DOCK9: variants seen among roughly 807,000 people sequenced by gnomAD.
DOCK9 encodes the protein dedicator of cytokinesis protein 9.
Under a neutral mutation model 263.3 loss-of-function variants are expected in DOCK9, and 89 were observed. That is an observed-to-expected ratio of 0.34 (90% CI 0.28 to 0.40). DOCK9 has a LOEUF of 0.40. DOCK9 is among the 10% of genes least tolerant of loss of function. DOCK9 has a pLI of 1.00. For synonymous variants in DOCK9, 976 were observed against 973.1 expected (o/e 1.00, Z -0.06); for missense variants, 2,140 against 2,603.4 (o/e 0.82, Z 3.87).
chr13:98,919,712 A>AGATT (rs2051573506), intron 7 of DOCK9, among the ~76,000 whole-genome samples: 1 of 152,208 alleles, frequency 6.6e-6, no homozygotes, highest in Admixed American at 6.5e-5. Context: ...CTTCATTCTG[A>AGATT]GATTGCTTGG....
intron 49 of DOCK9, among the ~76,000 whole-genome samples, chr13:98,802,299 T>C (rs2140007892): frequency 6.6e-6 from 1 of 152,368 alleles, no homozygotes. Context: ...TTCATTAGCC[T>C]GCCAATGGGA....
chr13:99,047,775 G>A (rs148856940), intron 1 of DOCK9, among the ~76,000 whole-genome samples: 4,447 of 151,918 alleles, frequency 0.029, 100 homozygotes, highest in South Asian at 0.063. Flanking sequence ...CACCCACCTC[G>A]GCCTCCCAAA....
chr13:98,976,001 A>T (rs2060241154), intron 1 of DOCK9, among the ~76,000 whole-genome samples: 2 of 152,250 alleles, frequency 1.3e-5, no homozygotes, highest in African/African-American at 4.8e-5. Context: ...CAACAGCCAC[A>T]GGTAAGAGAT....
intron 1 of DOCK9, among the ~76,000 whole-genome samples, chr13:99,080,307 T>G (rs1168381442): frequency 6.6e-6 from 1 of 152,094 alleles, no homozygotes; most frequent in Non-Finnish European, 1.5e-5. Flanking sequence ...ACGTCACACC[T>G]CCCATCCCAT....
At chr13:99,007,317 AG>A (rs1381537692) in intron 1 of DOCK9, among the ~76,000 whole-genome samples, 2 of 151,966 alleles carry the variant, frequency 1.3e-5, no homozygotes, top group Non-Finnish European at 2.9e-5. Flanking sequence ...GAACCCAGGA[AG>A]GGGAAGTTGC....
At chr13:98,818,136 C>T (rs1478085704) in intron 45 of DOCK9, among the ~76,000 whole-genome samples, 1 of 152,220 alleles carries the variant, frequency 6.6e-6, no homozygotes, top group Non-Finnish European at 1.5e-5. Context: ...CCACCTCTCA[C>T]ATAAGTAGAG....
intron 34 of DOCK9, 80 bp from the exon 35 acceptor site, chr13:98,853,602 G>A: frequency 9.7e-7 from 1 of 1,035,194 alleles, no homozygotes; most frequent in Non-Finnish European, 1.5e-6. Context: ...GGAAGAGAAA[G>A]ACTCTTAGAA....
intron 9 of DOCK9, among the ~76,000 whole-genome samples, chr13:98,911,972 T>C (rs1457822297): frequency 1.3e-5 from 2 of 151,116 alleles, no homozygotes; most frequent in African/African-American, 4.9e-5. Context: ...CAGGTTCAAA[T>C]GATTCTCCTG....
At chr13:98,868,858 TCAAATAAGTG>T (rs1424378123) in intron 27 of DOCK9, among the ~76,000 whole-genome samples, 1 of 152,194 alleles carries the variant, frequency 6.6e-6, no homozygotes, top group Admixed American at 6.5e-5. Flanking sequence ...TTCAAATACT[TCAAATAAGTG>T]CTGTGGATTA....
intron 2 of DOCK9, among the ~76,000 whole-genome samples, chr13:98,948,269 G>A (rs1416838315): frequency 6.6e-6 from 1 of 152,176 alleles, no homozygotes; most frequent in African/African-American, 2.4e-5. Flanking sequence ...GAACACTCTA[G>A]GATTCTCCTG....
chr13:98,984,848 T>C (rs1013158860), intron 1 of DOCK9, among the ~76,000 whole-genome samples: 7 of 152,184 alleles, frequency 4.6e-5, no homozygotes, highest in African/African-American at 1.7e-4. Flanking sequence ...ATATTAAGTA[T>C]GAGAACTTTC....
chr13:98,880,558 T>C lies in DOCK9; in HGVS notation c.2860A>G (p.Lys954Glu), dbSNP rs2044581722. The C allele has an allele frequency of 1.9e-6, 3 of 1,613,848 alleles. No individual in the cohort carries two copies. Among genetic ancestry groups the C allele is most frequent in the Non-Finnish European group, 1.7e-6 (2 of 1,179,890 alleles). Residue 954 changes from lysine to glutamate, a missense_variant, in exon 26 of 53, where the codon AAA (lysine) becomes GAA (glutamate). Physicochemically the swap from Lys to Glu is moderately conservative, Grantham distance 56. Coordinates refer to ENST00000682017, the MANE Select transcript of DOCK9 (RefSeq NM_001366683.2). ...CTCTCCTGACATACCTTCAGTAGTT[T>C]GTTGCTGGTGAGGAAATCGGCAGAA... ...KPSADFLTSN[K>E]LLKYSWFFFD... is the part of the protein sequence containing the mutation.
At chr13:98,977,739 C>A in intron 1 of DOCK9, 45 bp downstream of exon 1, 1 of 1,595,592 alleles carries the variant, frequency 6.3e-7, no homozygotes, top group African/African-American at 1.3e-5. Context: ...AATAAGAACC[C>A]AGCATTGGGT....
At chr13:98,902,222 T>G in intron 12 of DOCK9, 66 bp downstream of exon 12, 1 of 1,542,900 alleles carries the variant, frequency 6.5e-7, no homozygotes, top group Non-Finnish European at 8.8e-7. Context: ...TTGAGCATTT[T>G]TGGTGCATTT....
intron 1 of DOCK9, chr13:99,016,168 T>C (rs1224910263): frequency 1.3e-5 from 2 of 151,796 alleles, no homozygotes; most frequent in Admixed American, 1.3e-4. Flanking sequence ...GTTTATTTAA[T>C]CCTGCATCAG....
intron 45 of DOCK9, among the ~76,000 whole-genome samples, chr13:98,821,071 A>G (rs1436155750): frequency 6.6e-6 from 1 of 152,220 alleles, no homozygotes; most frequent in Non-Finnish European, 1.5e-5. Context: ...GGAGGCTACA[A>G]AGAAATTTCA....
chr13:98,810,096 T>C, intron 46 of DOCK9, 73 bp downstream of exon 46: 1 of 1,593,180 alleles, frequency 6.3e-7, no homozygotes. Context: ...CTCTCTCACA[T>C]ATATGCAGGT....
chr13:98,941,319 A>G (rs143517891), intron 2 of DOCK9, among the ~76,000 whole-genome samples: 44 of 152,314 alleles, frequency 2.9e-4, no homozygotes, highest in African/African-American at 1.0e-3. Context: ...GTGAGATCAC[A>G]TGAGGTTCCA....
rs539327517 is a variant in DOCK9 at position 98,916,344 on chromosome 13, A to G, written c.718-841T>C. ...AAAATCTCCCCAGGTTGGCCGCAGT[A>G]GACAGAGGTTCAGCTCTGAGGATCA... On this transcript the variant is annotated intron_variant, in intron 7 of 52. Coordinates refer to ENST00000682017, the MANE Select transcript of DOCK9 (RefSeq NM_001366683.2). Among the ~76,000 whole-genome samples the G allele has an allele frequency of 3.9e-5, 6 of 152,338 alleles. No individual in the cohort carries two copies. The South Asian group carries it at 1.2e-3, about 32-fold the overall frequency.
Sources: allele counts gnomAD v4.1 joint callset (sites outside exome capture counted in the v4.1 genomes callset), GRCh38; gene constraint gnomAD v4.1.1; transcripts MANE v1.5; gene names NCBI Gene and HGNC (gene_info 2026-07-23, HGNC 2026-07-21).